Variants in SLC4A1AP observed in about 807,000 individuals in gnomAD.
SLC4A1AP encodes the protein solute carrier family 4 member 1 adaptor protein, also known as kanadaptin.
A neutral mutation model predicts 89.7 loss-of-function variants in SLC4A1AP; 64 were observed. The ratio of observed to expected loss-of-function variants is 0.71; its 90% CI spans 0.58 to 0.88. The LOEUF is 0.88. Ranked by LOEUF, SLC4A1AP falls within the 40% of genes least tolerant of loss-of-function variation. The probability of loss-of-function intolerance (pLI) is 0.00; values close to 1 mark genes in which losing one functional copy is unlikely to be tolerated. For missense variants in SLC4A1AP, 931 were observed against 965.0 expected (o/e 0.96, Z 0.47); for synonymous variants, 366 against 353.3 (o/e 1.04, Z -0.40).
chr2:27,672,947 A>G (rs752195374), intron 5 of SLC4A1AP, among the ~76,000 whole-genome samples: 24 of 152,182 alleles, frequency 1.6e-4, no homozygotes, highest in Non-Finnish European at 2.8e-4. Context: ...TGTTTTCAGG[A>G]CAGTACTATT....
At chr2:27,667,022 T>C (rs1425340490) in intron 2 of SLC4A1AP, among the ~76,000 whole-genome samples, 3 of 151,916 alleles carry the variant, frequency 2.0e-5, no homozygotes, top group East Asian at 1.9e-4. Context: ...CACCCGCCAC[T>C]GTGCCCAGCT....
intron 3 of SLC4A1AP, among the ~76,000 whole-genome samples, chr2:27,667,775 T>C (rs1675357277): frequency 6.6e-6 from 1 of 151,958 alleles, no homozygotes; most frequent in Middle Eastern, 3.2e-3. Context: ...GATTTTATAT[T>C]ATATGATTTA....
intron 5 of SLC4A1AP, among the ~76,000 whole-genome samples, chr2:27,671,702 T>G (rs141040896): frequency 1.9e-3 from 290 of 152,354 alleles, no homozygotes; most frequent in African/African-American, 6.2e-3. Flanking sequence ...TTGGTTTATT[T>G]CCTTGCACAG....
chr2:27,670,939 T>TTTTTTTG, intron 5 of SLC4A1AP, among the ~76,000 whole-genome samples: 1 of 141,490 alleles, frequency 7.1e-6, no homozygotes, highest in Non-Finnish European at 1.5e-5. Context: ...TTTTTTTTTT[T>TTTTTTTG]TTGAGATGGA....
chr2:27,685,171 G>A (rs1675684627), exon 10 of SLC4A1AP: 3 of 1,614,028 alleles, frequency 1.9e-6, no homozygotes, highest in Non-Finnish European at 2.5e-6. Flanking sequence ...AAAAACTGGA[G>A]GATGGAAGCC....
At position 27,682,394 on chromosome 2, in the gene SLC4A1AP, C is replaced by T. The variant is rs1026049678; in HGVS notation, c.1875+35C>T. The stretch of plus-strand genomic sequence containing the variant: ...GAGTCAGGGTGTTAAACTTTTAGCC[C>T]TTGAGTTATCCCTGAGCTAATTTTT... On this transcript the variant is annotated intron_variant, in intron 9 of 13. Transcript: ENST00000613058. 2.3e-6 allele frequency: 3 copies of T among 1,300,830 alleles called. No homozygotes were observed. The South Asian group carries it at 3.7e-5, about 16-fold the overall frequency. 80.6% of individuals were successfully genotyped at this position (1,300,830 alleles called of 1,614,324 possible).
At chr2:27,663,981 C>G in exon 1 of SLC4A1AP, 1 of 1,614,228 alleles carries the variant, frequency 6.2e-7, no homozygotes, top group Non-Finnish European at 8.5e-7. Flanking sequence ...CTTCAAGAAG[C>G]CAGCTCTGCC....
chr2:27,666,192 T>C (rs1322160744), intron 2 of SLC4A1AP, among the ~76,000 whole-genome samples: 1 of 152,228 alleles, frequency 6.6e-6, no homozygotes, highest in Admixed American at 6.5e-5. Context: ...TTTTTTAATG[T>C]GGCTAATAGA....
chr2:27,682,152 A>G (rs901383421), intron 8 of SLC4A1AP, 96 bp from the exon 9 acceptor site: 37 of 728,794 alleles, frequency 5.1e-5, no homozygotes, highest in Non-Finnish European at 2.3e-6. Flanking sequence ...GGTAATTTTT[A>G]TTTTGCCAGA....
chr2:27,664,115 T>C, exon 1 of SLC4A1AP: 1 of 1,614,158 alleles, frequency 6.2e-7, no homozygotes, highest in Non-Finnish European at 8.5e-7. Context: ...TCCCTCCTCC[T>C]CAGCCGGACT....
In SLC4A1AP at chr2:27,693,678, T is replaced by C; in HGVS notation, c.2272-7T>C. On this transcript the variant is annotated splice_polypyrimidine_tract_variant and splice_region_variant and intron_variant, in intron 12 of 13. Transcript: ENST00000613058. ...TGTGAATAAAACAATCCATCTTTTC[T>C]TTTTAGCTTCCACCAACACTTTCTT... is the stretch of plus-strand genomic sequence containing the variant. The C allele has an allele frequency of 1.9e-6, 3 of 1,589,524 alleles. No homozygotes were observed. The highest frequency in any genetic ancestry group is 2.6e-6 in the Non-Finnish European group (3 of 1,164,914).
At chr2:27,668,510 C>A in intron 3 of SLC4A1AP, 1 of 459,098 alleles carries the variant, frequency 2.2e-6, no homozygotes, top group Admixed American at 2.5e-5. Context: ...AGTGCAATGG[C>A]GCAATCTTGG....
chr2:27,677,899 C>A lies in SLC4A1AP; in HGVS notation c.1738C>A (p.Pro580Thr), dbSNP rs751424798. 6 of 1,601,984 alleles carry A rather than the reference C, an allele frequency of 3.7e-6. No homozygotes were observed. In the African/African-American group the frequency reaches 5.4e-5, roughly 14 times the overall value. The stretch of plus-strand genomic sequence containing the variant: ...TAAAGGGTTAATAAAAATTGTAAAG[C>A]CAGCAGAGATTCCAGAACTAAAAAA... The change falls in exon 8 of 14, where the codon CCA (proline) becomes ACA (threonine). Residue 580 changes from proline to threonine, a missense_variant. By Grantham distance (38) the Pro-to-Thr change is conservative. Transcript: ENST00000613058.
At chr2:27,673,302 TTCTCTCTC>T (rs10659481) in intron 5 of SLC4A1AP, among the ~76,000 whole-genome samples, 44 of 148,802 alleles carry the variant, frequency 3.0e-4, no homozygotes, top group South Asian at 2.8e-3. Flanking sequence ...ATGAATTTCT[TTCTCTCTC>T]TCTCTCTCTC....
intron 3 of SLC4A1AP, 185 bp from the exon 4 acceptor site, chr2:27,668,658 C>T: frequency 2.9e-6 from 2 of 699,790 alleles, no homozygotes; most frequent in Non-Finnish European, 5.2e-6. Flanking sequence ...CCATGTTGCA[C>T]AGACTGGTTT....
At chr2:27,668,638 TG>T in intron 3 of SLC4A1AP, 1 of 689,942 alleles carries the variant, frequency 1.4e-6, no homozygotes, top group Non-Finnish European at 2.6e-6. Flanking sequence ...TTTGTACAGA[TG>T]GGGTTTTGCC....
chr2:27,675,528 C>T lies in SLC4A1AP; in HGVS notation c.1346-4C>T. ...TATTTATTCATCATTTTATCTACCT[C>T]TAGTATCTCGGAAAAGGAAAGCCAA... is the stretch of plus-strand genomic sequence containing the variant. On this transcript the variant is annotated splice_region_variant and splice_polypyrimidine_tract_variant and intron_variant, in intron 5 of 13. Coordinates refer to ENST00000613058, the Ensembl canonical transcript of SLC4A1AP. 6.4e-7 allele frequency: 1 copy of T among 1,556,648 alleles called. No homozygotes were observed. The highest frequency in any genetic ancestry group is 8.7e-7 in the Non-Finnish European group (1 of 1,149,608).
intron 12 of SLC4A1AP, chr2:27,692,464 A>G (rs1675803409): frequency 6.6e-6 from 1 of 152,216 alleles, no homozygotes; most frequent in Non-Finnish European, 1.5e-5. Context: ...AAGATTGTAT[A>G]TTCTGCAGTT....
intron 1 of SLC4A1AP, 29 bp from the exon 2 acceptor site, chr2:27,665,071 A>G (rs767891694): frequency 1.9e-6 from 3 of 1,571,748 alleles, no homozygotes; most frequent in African/African-American, 1.4e-5. Flanking sequence ...CTAAATAAAT[A>G]AATAACCTTT....
Sources: allele counts gnomAD v4.1 joint callset (sites outside exome capture counted in the v4.1 genomes callset), GRCh38; gene constraint gnomAD v4.1.1; transcripts MANE v1.5; gene names NCBI Gene and HGNC (gene_info 2026-07-23, HGNC 2026-07-21).